Variants in PTPRE observed in about 807,000 individuals in gnomAD.
PTPRE encodes the protein protein tyrosine phosphatase receptor type E.
Under a neutral mutation model 102.0 loss-of-function variants are expected in PTPRE, and 51 were observed. The observed-to-expected ratio is 0.50, with a 90% CI of 0.40 to 0.63. The LOEUF is 0.63. PTPRE is among the 30% of genes least tolerant of loss of function. The pLI is 0.00. For synonymous variants in PTPRE, 345 were observed against 348.2 expected (o/e 0.99, Z 0.10); for missense variants, 752 against 915.1 (o/e 0.82, Z 2.30).
At position 127,907,328 on chromosome 10, in the gene PTPRE, A is replaced by T. The variant is rs1349538771; in HGVS notation, c.-31+19A>T. The T allele has an allele frequency of 1.0e-6, 1 of 984,144 alleles. No individual in the cohort carries two copies. 61.0% of individuals were successfully genotyped at this position (984,144 alleles called of 1,614,324 possible). On this transcript the variant is annotated intron_variant, in intron 1 of 20. Transcript: ENST00000254667. This position sits in a 1 kb window ranked among gnomAD's most constrained non-coding sequence, Gnocchi z 4.8. ...CCCCGAGGTGAGCGCGCGTGCGGAC[A>T]GGGACCCTGCGCCCCTGTGGGGAAC...
At chr10:127,997,293 G>C (rs756559822) in intron 2 of PTPRE, among the ~76,000 whole-genome samples, 1 of 152,180 alleles carries the variant, frequency 6.6e-6, no homozygotes, top group African/African-American at 2.4e-5. Context: ...TAAACTCTGA[G>C]TTTGCCCACA....
chr10:127,971,568 A>G (rs1850740116), intron 1 of PTPRE, among the ~76,000 whole-genome samples: 1 of 152,144 alleles, frequency 6.6e-6, no homozygotes, highest in African/African-American at 2.4e-5. Context: ...AGCGCATTCC[A>G]CTTCCTTTAG....
chr10:128,067,258 A>C (rs1404943813), intron 11 of PTPRE, among the ~76,000 whole-genome samples: 1 of 151,454 alleles, frequency 6.6e-6, no homozygotes, highest in Non-Finnish European at 1.5e-5. Flanking sequence ...ATTCATGCAC[A>C]TGCATACATG....
intron 1 of PTPRE, among the ~76,000 whole-genome samples, chr10:127,977,136 C>T (rs1046486495): frequency 6.6e-6 from 1 of 152,104 alleles, no homozygotes; most frequent in African/African-American, 2.4e-5. Context: ...CTTGCTACCC[C>T]AGTGCCCTAA....
chr10:127,910,266 C>T (rs1268785150), intron 1 of PTPRE, among the ~76,000 whole-genome samples: 1 of 152,164 alleles, frequency 6.6e-6, no homozygotes, highest in African/African-American at 2.4e-5. Flanking sequence ...CTTTCCAGAT[C>T]CCAAGACTCA....
At chr10:127,987,470 A>G in intron 2 of PTPRE, 1 of 703,248 alleles carries the variant, frequency 1.4e-6, no homozygotes, top group Non-Finnish European at 2.0e-6. Context: ...TAATTTCTAA[A>G]GTACCTAAAA....
At chr10:127,914,914 C>T (rs1299296863) in intron 1 of PTPRE, among the ~76,000 whole-genome samples, 4 of 152,116 alleles carry the variant, frequency 2.6e-5, no homozygotes, top group East Asian at 1.9e-4. Flanking sequence ...CATGTCAGGG[C>T]GTGGAGCTAA....
rs1249932677 is a variant in PTPRE, at chr10:127,907,679, G to A, written c.-31+370G>A. Reference sequence around the variant, plus strand: ...CGTACGTGAAAGCGGGCGACACAGAGAGGGGGTGCAGGCCGCGCGTGGGGG... The same window carrying A: ...CGTACGTGAAAGCGGGCGACACAGAAAGGGGGTGCAGGCCGCGCGTGGGGG... On this transcript the variant is annotated intron_variant, in intron 1 of 20. Coordinates refer to ENST00000254667, the MANE Select transcript of PTPRE (RefSeq NM_006504.6). This position sits in a 1 kb window ranked among gnomAD's most constrained non-coding sequence, Gnocchi z 4.8. Among the ~76,000 whole-genome samples, 8 of 152,268 alleles carry A rather than the reference G, an allele frequency of 5.3e-5. No homozygotes were observed. The South Asian group carries it at 1.7e-3, about 32-fold the overall frequency.
At chr10:128,073,597 C>A in intron 17 of PTPRE, 126 bp downstream of exon 17, 1 of 1,186,654 alleles carries the variant, frequency 8.4e-7, no homozygotes, top group Non-Finnish European at 1.1e-6. Context: ...GCCAGGACCA[C>A]TAGGGAAGGA....
At chr10:127,977,085 T>C (rs953406423) in intron 1 of PTPRE, among the ~76,000 whole-genome samples, 4 of 152,196 alleles carry the variant, frequency 2.6e-5, no homozygotes, top group African/African-American at 4.8e-5. Context: ...GTCATAGTCA[T>C]GGTGCTTAAG....
intron 1 of PTPRE, among the ~76,000 whole-genome samples, chr10:127,935,665 C>T (rs1022077632): frequency 1.3e-5 from 2 of 152,136 alleles, no homozygotes; most frequent in African/African-American, 4.8e-5. Flanking sequence ...GATGACGCTT[C>T]CTGTTCCTTC....
At chr10:128,005,799 G>A (rs1421751874) in intron 2 of PTPRE, among the ~76,000 whole-genome samples, 5 of 152,154 alleles carry the variant, frequency 3.3e-5, no homozygotes, top group Admixed American at 2.0e-4. Flanking sequence ...CAGTTCCGGA[G>A]GCTGCAAGTC....
At chr10:128,077,579 C>G (rs117334788) in intron 18 of PTPRE, 38 bp from the exon 19 acceptor site, 61,276 of 1,572,858 alleles carry the variant, frequency 0.039, 1,386 homozygotes, top group Non-Finnish European at 0.044. Context: ...TGTTCCCCGG[C>G]AGGCAGGCGA....
intron 17 of PTPRE, 84 bp downstream of exon 17, chr10:128,073,555 T>C: frequency 6.7e-7 from 1 of 1,489,344 alleles, no homozygotes. Context: ...ATGTCCCACC[T>C]GCCATCACTG....
At chr10:127,992,713 T>A (rs917635427) in intron 2 of PTPRE, among the ~76,000 whole-genome samples, 4 of 152,194 alleles carry the variant, frequency 2.6e-5, no homozygotes, top group Non-Finnish European at 5.9e-5. Context: ...GTACCAGGTC[T>A]AAAATCCAAA....
At chr10:127,998,270 T>A (rs184263758) in intron 2 of PTPRE, 1 of 152,286 alleles carries the variant, frequency 6.6e-6, no homozygotes, top group East Asian at 1.9e-4. Context: ...CAACTTAACG[T>A]CATCATCGAA....
At chr10:127,908,164 C>T (rs1379140083) in intron 1 of PTPRE, among the ~76,000 whole-genome samples, 1 of 152,166 alleles carries the variant, frequency 6.6e-6, no homozygotes, top group Non-Finnish European at 1.5e-5. Context: ...TGAGTCGTGA[C>T]CATTCCATCA....
At chr10:127,969,265 A>T (rs538281486) in intron 1 of PTPRE, among the ~76,000 whole-genome samples, 1 of 152,350 alleles carries the variant, frequency 6.6e-6, no homozygotes, top group African/African-American at 2.4e-5. Flanking sequence ...GCCTGGAGTG[A>T]CAAAGGGAAT....
intron 1 of PTPRE, chr10:127,936,285 C>T (rs1376085042): frequency 6.6e-6 from 1 of 152,110 alleles, no homozygotes; most frequent in African/African-American, 2.4e-5. Flanking sequence ...GAGGCAACCC[C>T]ACAGCAAAGG....
Sources: gnomAD v4.1 joint callset for allele counts (sites outside exome capture counted in the v4.1 genomes callset) on GRCh38, gnomAD v4.1.1 for gene constraint, Gnocchi (gnomAD v3.1) non-coding constraint, MANE v1.5 for transcripts, NCBI Gene and HGNC (gene_info 2026-07-23, HGNC 2026-07-21) for gene names.